The following JAM3 variants were observed in gnomAD, a reference collection of about 807,000 sequenced individuals.
JAM3 encodes junctional adhesion molecule 3, also known as junctional adhesion molecule C.
Under a neutral mutation model 39.4 loss-of-function variants are expected in JAM3, and 31 were observed. The observed-to-expected ratio is 0.79, with a 90% CI of 0.59 to 1.06. JAM3 has a LOEUF of 1.06. Ranked by LOEUF, JAM3 falls within the 50% of genes least tolerant of loss-of-function variation. The probability of loss-of-function intolerance (pLI) is 0.00; values close to 1 mark genes in which losing one functional copy is unlikely to be tolerated. For missense variants in JAM3, 455 were observed against 391.4 expected (o/e 1.16, Z -1.37); for synonymous variants, 182 against 148.7 (o/e 1.22, Z -1.63).
chr11:134,106,795 C>A (rs561059115), intron 1 of JAM3, among the ~76,000 whole-genome samples: 2 of 152,174 alleles, frequency 1.3e-5, no homozygotes, highest in Non-Finnish European at 2.9e-5. Flanking sequence ...CCATCTCACA[C>A]CAGTTAGAAT....
intron 1 of JAM3, among the ~76,000 whole-genome samples, chr11:134,110,606 A>G (rs945245949): frequency 1.3e-5 from 2 of 152,150 alleles, no homozygotes. Context: ...TAGTGACAAA[A>G]TCGCTAAGTG....
intron 1 of JAM3, among the ~76,000 whole-genome samples, chr11:134,099,440 C>T (rs1456480912): frequency 1.3e-5 from 2 of 152,098 alleles, no homozygotes; most frequent in Non-Finnish European, 2.9e-5. Flanking sequence ...CCATTTAGAT[C>T]CTTTTCTCAC....
chr11:134,148,921 G>T, intron 8 of JAM3, 103 bp downstream of exon 8: 3 of 1,216,558 alleles, frequency 2.5e-6, no homozygotes, highest in East Asian at 4.8e-5. Context: ...CTGAGTGATT[G>T]TGCAGCTCCT....
At chr11:134,072,495 A>T (rs1362333453) in intron 1 of JAM3, among the ~76,000 whole-genome samples, 1 of 152,166 alleles carries the variant, frequency 6.6e-6, no homozygotes, top group African/African-American at 2.4e-5. Context: ...TTTTTAGTAG[A>T]CATGGGGTTT....
At chr11:134,148,990 ACACACT>A (rs1226521104) in intron 8 of JAM3, among the ~76,000 whole-genome samples, 150 bp from the exon 9 acceptor site, 24 of 149,922 alleles carry the variant, frequency 1.6e-4, no homozygotes, top group African/African-American at 3.8e-4. Context: ...ACACACACAC[ACACACT>A]AATGGGATTT....
intron 1 of JAM3, among the ~76,000 whole-genome samples, chr11:134,135,980 G>C (rs1942857749): frequency 6.6e-6 from 1 of 152,062 alleles, no homozygotes; most frequent in South Asian, 2.1e-4. Flanking sequence ...TGAGACAGGA[G>C]AATTGCTTGA....
chr11:134,139,579 G>T (rs779799865), intron 1 of JAM3: 133 of 462,174 alleles, frequency 2.9e-4, no homozygotes, highest in Non-Finnish European at 4.9e-4. Flanking sequence ...TTAGACAAAG[G>T]CTTTAAAGCT....
In JAM3 at chr11:134,151,162, G is replaced by C. The variant is rs1370265768; in HGVS notation, c.*1981G>C. 1 of 152,262 alleles carries C rather than the reference G, an allele frequency of 6.6e-6. No homozygotes were observed. Among genetic ancestry groups the C allele is most frequent in the Non-Finnish European group, 1.5e-5 (1 of 68,070 alleles). 9.4% of individuals were successfully genotyped at this position (152,262 alleles called of 1,614,324 possible). A position where few individuals can be genotyped will look rare whatever the true frequency, so the allele number is the denominator to read the frequency against. ...TACTCACCTTGTCTTTCAGCTTCCA[G>C]TGTCTTGGGTTTTTTATACTTTGAC... On this transcript the variant is annotated 3_prime_UTR_variant, in exon 9 of 9. Transcript: ENST00000299106.
intron 1 of JAM3, among the ~76,000 whole-genome samples, chr11:134,100,179 T>C (rs75624044): frequency 6.6e-6 from 1 of 151,916 alleles, no homozygotes; most frequent in African/African-American, 2.4e-5. Flanking sequence ...AAAAAAAAAA[T>C]AGTGGTCAGT....
At chr11:134,145,255 G>A (rs749333262) in intron 5 of JAM3, 4 of 548,854 alleles carry the variant, frequency 7.3e-6, no homozygotes, top group African/African-American at 1.9e-5. Context: ...CTAGGGCCCT[G>A]ATCGGATAAT....
chr11:134,106,743 A>C (rs1942197858), intron 1 of JAM3, among the ~76,000 whole-genome samples: 1 of 152,262 alleles, frequency 6.6e-6, no homozygotes, highest in Non-Finnish European at 1.5e-5. Flanking sequence ...GCTCATCATC[A>C]CTGGCCATCA....
At chr11:134,123,493 G>A (rs1326321042) in intron 1 of JAM3, among the ~76,000 whole-genome samples, 2 of 152,276 alleles carry the variant, frequency 1.3e-5, no homozygotes, top group South Asian at 2.1e-4. Context: ...TGTTCTGCTG[G>A]TTTTCCTTAG....
Position 134,144,365 on chromosome 11 carries a change from T to A in JAM3, c.381T>A (p.Asp127Glu). The A allele has an allele frequency of 1.2e-6, 2 of 1,605,552 alleles. No homozygotes were observed. Among genetic ancestry groups the A allele is most frequent in the Non-Finnish European group, 8.5e-7 (1 of 1,172,624 alleles). Reference protein sequence around the residue: ...VVARNDRKEIDEIVIELTVQV... With the variant: ...VVARNDRKEIEEIVIELTVQV... ...CTCGAAATGACCGCAAGGAAATTGA[T>A]GAGATTGTGATCGAGTTAACTGTGC... The change falls in exon 4 of 9, where the codon GAT (aspartate) becomes GAA (glutamate). Residue 127 changes from aspartate to glutamate, a missense_variant. Transcript: ENST00000299106.
chr11:134,081,193 C>T (rs1188265915), intron 1 of JAM3, among the ~76,000 whole-genome samples: 3 of 152,206 alleles, frequency 2.0e-5, no homozygotes, highest in Admixed American at 6.5e-5. Flanking sequence ...AGAAAATTTG[C>T]AGCTGGACAA....
At chr11:134,127,566 G>A (rs1942673499) in intron 1 of JAM3, among the ~76,000 whole-genome samples, 1 of 152,202 alleles carries the variant, frequency 6.6e-6, no homozygotes, top group African/African-American at 2.4e-5. Context: ...CGGACGTGGT[G>A]GCACATGTCT....
rs1411543182 is a variant in JAM3 at position 134,151,776 on chromosome 11, T to G, written c.*2595T>G. 2.0e-5 allele frequency: 3 copies of G among 152,328 alleles called. No homozygotes were observed. The highest frequency in any genetic ancestry group is 3.9e-4 in the East Asian group (2 of 5,186). The allele number at this position is 152,328 out of a possible 1,614,324, so 9.4% of individuals were successfully genotyped here. ...CAAACATTGCTTCATTCTTTGTTAT[T>G]TGCTCTTACGTTGGGTTTGTCTCTT... On this transcript the variant is annotated 3_prime_UTR_variant, in exon 9 of 9. Coordinates refer to ENST00000299106, the MANE Select transcript of JAM3 (RefSeq NM_032801.5).
chr11:134,079,440 A>C (rs1941628038), intron 1 of JAM3, among the ~76,000 whole-genome samples: 1 of 152,158 alleles, frequency 6.6e-6, no homozygotes, highest in Admixed American at 6.5e-5. Context: ...TGGTTTACTG[A>C]AAGGTGCCGT....
chr11:134,139,022 C>T (rs1224034039), intron 1 of JAM3, among the ~76,000 whole-genome samples: 1 of 152,126 alleles, frequency 6.6e-6, no homozygotes, highest in Non-Finnish European at 1.5e-5. Context: ...TGTATGAAGG[C>T]CTTCTTTGGG....
intron 2 of JAM3, among the ~76,000 whole-genome samples, 194 bp from the exon 3 acceptor site, chr11:134,140,463 T>G (rs1005410124): frequency 2.6e-5 from 4 of 152,194 alleles, no homozygotes; most frequent in African/African-American, 9.7e-5. Context: ...CACTATGTAG[T>G]AAAATCCTTG....
Sources: gnomAD v4.1 joint callset for allele counts (sites outside exome capture counted in the v4.1 genomes callset) on GRCh38, gnomAD v4.1.1 for gene constraint, MANE v1.5 for transcripts, NCBI Gene and HGNC (gene_info 2026-07-23, HGNC 2026-07-21) for gene names.